The following PHLDB3 variants were observed in gnomAD, a reference collection of about 807,000 sequenced individuals.
PHLDB3 encodes the protein pleckstrin homology-like domain family B member 3.
A neutral mutation model predicts 85.7 loss-of-function variants in PHLDB3; 86 were observed. That is an observed-to-expected ratio of 1.00 (90% CI 0.84 to 1.20). The LOEUF (loss-of-function observed/expected upper bound fraction) is 1.20. PHLDB3 is among the 50% of genes most tolerant of loss of function. PHLDB3 has a pLI of 0.00. For synonymous variants in PHLDB3, 376 were observed against 349.8 expected (o/e 1.07, Z -0.83); for missense variants, 995 against 873.0 (o/e 1.14, Z -1.76).
chr19:43,500,916 C>CA (rs1469711615), intron 4 of PHLDB3, among the ~76,000 whole-genome samples: 1 of 109,912 alleles, frequency 9.1e-6, no homozygotes, highest in Non-Finnish European at 1.9e-5. Context: ...CGTACCCCCC[C>CA]CCCACCCCGC....
In PHLDB3 at chr19:43,501,772, C is replaced by T. The variant is rs1971606233; in HGVS notation, c.496G>A (p.Ala166Thr). The part of the protein sequence containing the change: ...EQLRELLEQQ[A>T]ASEQRGRQQR... ...TGGCGGCCGCGCTGCTCCGAGGCCG[C>T]CTGCTGCTCCAGCAGCTCCCGCAGC... The change falls in exon 4 of 16, where the codon GCG (alanine) becomes ACG (threonine). Residue 166 changes from alanine to threonine, a missense_variant. Coordinates refer to ENST00000292140, the MANE Select transcript of PHLDB3 (RefSeq NM_198850.4). 6.3e-7 allele frequency: 1 copy of T among 1,584,820 alleles called. No homozygotes were observed. The highest frequency in any genetic ancestry group is 8.6e-7 in the Non-Finnish European group (1 of 1,169,082).
In PHLDB3 at chr19:43,479,455, T is replaced by C. The variant is rs757672037; in HGVS notation, c.1624A>G (p.Met542Val). The C allele has an allele frequency of 1.2e-5, 19 of 1,565,778 alleles. No homozygotes were observed. The African/African-American group carries it at 2.6e-4, about 21-fold the overall frequency. ...GCCCRGPLVKMGGRIKTWRKR... is the reference protein window; with the variant it reads ...GCCCRGPLVKVGGRIKTWRKR... ...CTCCAGGTCTTGATGCGGCCGCCCA[T>C]CTTCACCAGGGGTCCACGGCAGCAG... The change falls in exon 14 of 16, where the codon ATG becomes GTG. Residue 542 changes from methionine (M) to valine (V), a missense_variant. By Grantham distance (21) the Met-to-Val change is conservative. Coordinates refer to ENST00000292140, the MANE Select transcript of PHLDB3 (RefSeq NM_198850.4).
Position 43,495,492 on chromosome 19 carries a change from C to A in PHLDB3, c.951+3G>T. On this transcript the variant is annotated splice_donor_region_variant and intron_variant, in intron 7 of 15. Transcript: ENST00000292140. ...AGGGTAGGGCAGGTGACAGGTAGCT[C>A]ACCTGTGACAGGGCCTGAAGGGCCT... 6.2e-7 allele frequency: 1 copy of A among 1,605,608 alleles called. No homozygotes were observed. Among genetic ancestry groups the A allele is most frequent in the Non-Finnish European group, 8.5e-7 (1 of 1,176,102 alleles).
Position 43,495,301 on chromosome 19 carries a change from T to C in PHLDB3, c.990A>G (p.Gly330=), listed in dbSNP as rs1396090306. The C allele has an allele frequency of 6.2e-7, 1 of 1,613,838 alleles. No individual in the cohort carries two copies. The highest frequency in any genetic ancestry group is 1.7e-5 in the Admixed American group (1 of 59,994). ...SRLLELNCLQ[G]TPGGDFSEPN... ...GCTCAGAGAAGTCCCCGCCAGGTGTTCCCTGAAGGCAATTGAGCTCGAGCA... is the reference window on the plus strand; with the variant it reads ...GCTCAGAGAAGTCCCCGCCAGGTGTCCCCTGAAGGCAATTGAGCTCGAGCA... Residue 330 remains glycine, a synonymous_variant, in exon 8 of 16, where the codon GGA becomes GGG. Transcript: ENST00000292140.
chr19:43,477,999 C>T (rs1352686159), intron 15 of PHLDB3, 48 bp downstream of exon 15: 1 of 1,503,610 alleles, frequency 6.7e-7, no homozygotes, highest in East Asian at 2.3e-5. Context: ...GGCCTGACTC[C>T]AACTGAGTCT....
At chr19:43,490,200 A>G (rs960238321) in intron 9 of PHLDB3, among the ~76,000 whole-genome samples, 1 of 152,048 alleles carries the variant, frequency 6.6e-6, no homozygotes, top group African/African-American at 2.4e-5. Context: ...TGGTTGTGTA[A>G]GAGAATGGGC....
intron 13 of PHLDB3, among the ~76,000 whole-genome samples, chr19:43,485,149 C>T (rs1276567771): frequency 6.6e-6 from 1 of 151,692 alleles, no homozygotes; most frequent in Admixed American, 6.6e-5. Context: ...CAGTGGGCAC[C>T]TGGGGGTCTA....
chr19:43,495,774 C>T lies in PHLDB3; in HGVS notation c.826-154G>A, dbSNP rs553444595. On this transcript the variant is annotated intron_variant, in intron 6 of 15. Transcript: ENST00000292140. ...GGGCTGGGGACCCAGCGTTCAGCTC[C>T]CTGGACCCTCTTCCCTTTTGAGGGT... 6.7e-6 allele frequency: 7 copies of T among 1,049,934 alleles called. No individual in the cohort carries two copies. In the African/African-American group the frequency reaches 9.7e-5, roughly 14 times the overall value. The allele number at this position is 1,049,934 out of a possible 1,614,324, so 65.0% of individuals were successfully genotyped here.
At chr19:43,476,362 C>T (rs1371193330) in intron 15 of PHLDB3, among the ~76,000 whole-genome samples, 1 of 152,136 alleles carries the variant, frequency 6.6e-6, no homozygotes, top group African/African-American at 2.4e-5. Flanking sequence ...AAACTCAGGC[C>T]GGCCGGGCTG....
rs180884717 is a variant in PHLDB3 at position 43,496,837 on chromosome 19, A to G, written c.825+281T>C. The G allele has an allele frequency of 2.2e-3, 927 of 417,846 alleles. 3 individuals are homozygous for G. Among genetic ancestry groups the G allele is most frequent in the Admixed American group, 3.2e-3 (71 of 22,500 alleles). The allele number at this position is 417,846 out of a possible 1,614,324, so 25.9% of individuals were successfully genotyped here. On this transcript the variant is annotated intron_variant, in intron 6 of 15. Transcript: ENST00000292140. The stretch of plus-strand genomic sequence containing the variant: ...TAAGGAAACTTGGAAAAGATTACTT[A>G]AGCACCTTGACCTTCAGCTTCTTTA...
rs1212839617 is a variant in PHLDB3 at position 43,487,095 on chromosome 19, C to A, written c.1178G>T (p.Ser393Ile). ...CCTCTCCCCCCTTTTCCGGGGCAGG[C>A]TCCCAGTCCTCTGGAGGCCAATGGA... ...QGSIGLQRTGSLPRKRGERGS... is the reference protein window; with the variant it reads ...QGSIGLQRTGILPRKRGERGS... The change falls in exon 10 of 16, where the codon AGC becomes ATC. Residue 393 changes from serine to isoleucine, a missense_variant. Physicochemically the swap from Ser to Ile is moderately radical, Grantham distance 142. Coordinates refer to ENST00000292140, the MANE Select transcript of PHLDB3 (RefSeq NM_198850.4). 5 of 1,568,508 alleles carry A rather than the reference C, an allele frequency of 3.2e-6. No individual in the cohort carries two copies. In the East Asian group the frequency reaches 1.2e-4, roughly 37 times the overall value.
rs755040649 is a variant in PHLDB3 at position 43,486,243 on chromosome 19, G to C, written c.1485+23C>G. ...AGAAACAGAGCAGGGAGAGGTGGGCGTGAGGGCGGGGGTGGGACTGACCGT... is the reference window on the plus strand; with the variant it reads ...AGAAACAGAGCAGGGAGAGGTGGGCCTGAGGGCGGGGGTGGGACTGACCGT... On this transcript the variant is annotated intron_variant, in intron 13 of 15. Transcript: ENST00000292140. The C allele has an allele frequency of 1.1e-5, 17 of 1,600,510 alleles. No homozygotes were observed. In the Admixed American group the frequency reaches 2.9e-4, roughly 27 times the overall value.
intron 4 of PHLDB3, 77 bp from the exon 5 acceptor site, chr19:43,497,953 G>A: frequency 6.6e-7 from 1 of 1,524,154 alleles, no homozygotes. Flanking sequence ...CTCAGAGCCT[G>A]CCTGGGGTGT....
At chr19:43,494,610 TG>T in intron 9 of PHLDB3, 91 bp downstream of exon 9, 1 of 1,053,888 alleles carries the variant, frequency 9.5e-7, no homozygotes, top group Non-Finnish European at 1.4e-6. Flanking sequence ...GTGGAAGTTC[TG>T]GAGACCCCAG....
chr19:43,495,485 G>C lies in PHLDB3; in HGVS notation c.951+10C>G. ...GGACGGTAGGGTAGGGCAGGTGACAGGTAGCTCACCTGTGACAGGGCCTGA... is the reference window on the plus strand; with the variant it reads ...GGACGGTAGGGTAGGGCAGGTGACACGTAGCTCACCTGTGACAGGGCCTGA... On this transcript the variant is annotated intron_variant, in intron 7 of 15. Transcript: ENST00000292140. 1 of 1,605,774 alleles carries C rather than the reference G, an allele frequency of 6.2e-7. No individual in the cohort carries two copies. Among genetic ancestry groups the C allele is most frequent in the South Asian group, 1.1e-5 (1 of 89,622 alleles).
intron 9 of PHLDB3, among the ~76,000 whole-genome samples, chr19:43,491,719 T>C (rs951256131): frequency 2.0e-5 from 3 of 147,776 alleles, no homozygotes; most frequent in African/African-American, 7.5e-5. Flanking sequence ...CAGGCTGGAG[T>C]GCAGTGGCAT....
intron 4 of PHLDB3, among the ~76,000 whole-genome samples, chr19:43,501,178 T>C (rs1029179955): frequency 5.4e-5 from 4 of 74,036 alleles, no homozygotes; most frequent in East Asian, 6.6e-4. Context: ...TTTTTCTCTT[T>C]TTTTTTTTTT....
chr19:43,477,779 G>T (rs558736202), intron 15 of PHLDB3, among the ~76,000 whole-genome samples: 1 of 148,156 alleles, frequency 6.7e-6, no homozygotes, highest in South Asian at 2.1e-4. Flanking sequence ...CTGTACTCAG[G>T]CCTGGGCGAC....
chr19:43,480,117 T>G (rs1971012677), intron 13 of PHLDB3, among the ~76,000 whole-genome samples: 1 of 150,402 alleles, frequency 6.6e-6, no homozygotes, highest in East Asian at 2.0e-4. Context: ...AAAAAAAAAT[T>G]TTTTTTGGAA....
Sources: allele counts gnomAD v4.1 joint callset (sites outside exome capture counted in the v4.1 genomes callset), GRCh38; gene constraint gnomAD v4.1.1; transcripts MANE v1.5; gene names NCBI Gene and HGNC (gene_info 2026-07-23, HGNC 2026-07-21).